The following PAX7 variants were observed in gnomAD, a reference collection of about 807,000 sequenced individuals.
PAX7 encodes paired box 7, also known as paired box protein Pax-7.
PAX7 carries 18 observed loss-of-function variants against 50.7 expected under a neutral mutation model. The ratio of observed to expected loss-of-function variants is 0.36; its 90% confidence interval spans 0.25 to 0.53. The LOEUF (loss-of-function observed/expected upper bound fraction) is 0.53, where lower values mean the gene tolerates loss of function less well. Ranked by LOEUF, PAX7 falls within the 20% of genes least tolerant of loss-of-function variation. The pLI is 0.93. For synonymous variants in PAX7, 310 were observed against 290.4 expected, an observed-to-expected ratio of 1.07 and a Z score of -0.69; for missense variants, 644 against 702.9, an observed-to-expected ratio of 0.92 and a Z score of 0.95.
At chr1:18,668,174 G>T (rs2088696387) in intron 4 of PAX7, among the ~76,000 whole-genome samples, 1 of 152,188 alleles carries the variant, frequency 6.6e-6, no homozygotes, top group Admixed American at 6.5e-5. Flanking sequence ...AAAGCTCCTT[G>T]AGTGATTCCA....
chr1:18,670,744 G>T (rs116440180), intron 4 of PAX7, among the ~76,000 whole-genome samples: 1 of 152,142 alleles, frequency 6.6e-6, no homozygotes, highest in Admixed American at 6.5e-5. Context: ...CCATGGAGAC[G>T]ACAGCCCGGG....
At chr1:18,655,937 G>A (rs1336107161) in intron 4 of PAX7, among the ~76,000 whole-genome samples, 1 of 152,034 alleles carries the variant, frequency 6.6e-6, no homozygotes, top group Non-Finnish European at 1.5e-5. Context: ...TTCATCAAAG[G>A]CGGAACAGCT....
chr1:18,692,905 C>T (rs559777487), intron 5 of PAX7, among the ~76,000 whole-genome samples: 1 of 152,272 alleles, frequency 6.6e-6, no homozygotes, highest in East Asian at 1.9e-4. Context: ...GGTTGAGGGG[C>T]AAAGGCCTGC....
chr1:18,692,053 GT>G, intron 5 of PAX7, 100 bp downstream of exon 5: 1 of 1,088,686 alleles, frequency 9.2e-7, no homozygotes, highest in East Asian at 2.6e-5. Context: ...CCCTCGGGGG[GT>G]TTACAACAGG....
intron 4 of PAX7, among the ~76,000 whole-genome samples, chr1:18,690,537 A>C (rs1405890252): frequency 2.0e-5 from 3 of 152,270 alleles, no homozygotes; most frequent in Admixed American, 2.0e-4. Flanking sequence ...CCCAACAGCT[A>C]AGGAGGCTGA....
intron 7 of PAX7, among the ~76,000 whole-genome samples, chr1:18,732,941 C>T (rs760881417): frequency 1.3e-5 from 2 of 152,150 alleles, no homozygotes; most frequent in South Asian, 2.1e-4. Flanking sequence ...TCCCAGCCCC[C>T]GTCAACTGTC....
intron 7 of PAX7, among the ~76,000 whole-genome samples, chr1:18,709,304 T>C (rs2089320676): frequency 6.6e-6 from 1 of 152,242 alleles, no homozygotes; most frequent in Non-Finnish European, 1.5e-5. Context: ...GGTGCTCTTT[T>C]GTAATGTCCC....
chr1:18,683,079 C>T (rs2088922157), intron 4 of PAX7, among the ~76,000 whole-genome samples: 1 of 152,162 alleles, frequency 6.6e-6, no homozygotes, highest in African/African-American at 2.4e-5. Flanking sequence ...GCAGGGCCAA[C>T]TGGTCAGGCG....
chr1:18,736,640 C>T (rs1451258900), intron 8 of PAX7, among the ~76,000 whole-genome samples: 1 of 152,150 alleles, frequency 6.6e-6, no homozygotes, highest in Admixed American at 6.5e-5. Flanking sequence ...GTGTGTTTTA[C>T]ACTTACAGCC....
chr1:18,713,407 G>A (rs1314186580), intron 7 of PAX7, among the ~76,000 whole-genome samples: 1 of 152,178 alleles, frequency 6.6e-6, no homozygotes, highest in Non-Finnish European at 1.5e-5. Flanking sequence ...ACCACCAACT[G>A]TTGGGCAACC....
At chr1:18,732,401 G>A (rs2089657147) in intron 7 of PAX7, among the ~76,000 whole-genome samples, 1 of 152,180 alleles carries the variant, frequency 6.6e-6, no homozygotes, top group Non-Finnish European at 1.5e-5. Flanking sequence ...AGAATATGTA[G>A]CAAGTACCAC....
chr1:18,731,734 A>G (rs1481800822), intron 7 of PAX7, among the ~76,000 whole-genome samples: 2 of 152,100 alleles, frequency 1.3e-5, no homozygotes, highest in African/African-American at 4.8e-5. Flanking sequence ...AAGCAGTGGC[A>G]GCACATCCTC....
chr1:18,667,391 AAAGG>A (rs3080496), intron 4 of PAX7, among the ~76,000 whole-genome samples: 27,129 of 113,140 alleles, frequency 0.24, 3,355 homozygotes, highest in Admixed American at 0.3. Flanking sequence ...AAGGAAGGAG[AAAGG>A]AAGGAAGGAA....
chr1:18,648,003 A>G (rs2088372962), intron 4 of PAX7, among the ~76,000 whole-genome samples: 1 of 152,212 alleles, frequency 6.6e-6, no homozygotes, highest in African/African-American at 2.4e-5. Context: ...GGAGCCCAGT[A>G]GACACTGTTC....
rs796962847 is a variant in PAX7, at chr1:18,747,819, T to TA, written c.*2896dup. The TA allele has an allele frequency of 4.7e-5, 9 of 189,632 alleles. No homozygotes were observed. Among genetic ancestry groups the TA allele is most frequent in the African/African-American group, 1.9e-4 (8 of 42,944 alleles). The allele number at this position is 189,632 out of a possible 1,614,324, so 11.7% of individuals were successfully genotyped here. A position where few individuals can be genotyped will look rare whatever the true frequency, so the allele number is the denominator to read the frequency against. On this transcript the variant is annotated 3_prime_UTR_variant, in exon 9 of 9. Coordinates refer to ENST00000420770, the MANE Select transcript of PAX7 (RefSeq NM_001135254.2). ...ACTTTTTATAAATATATATATATAC[T>TA]AAAAAAGGAAAGAAATCCCCCACAG...
intron 4 of PAX7, among the ~76,000 whole-genome samples, chr1:18,654,502 G>GCCTT (rs60092222): frequency 0.02 from 3,012 of 152,292 alleles, 107 homozygotes; most frequent in African/African-American, 0.068. Context: ...CATGTGCAAT[G>GCCTT]CCTTCCTCCT....
chr1:18,665,202 G>A (rs1557517454), intron 4 of PAX7, among the ~76,000 whole-genome samples: 1 of 151,934 alleles, frequency 6.6e-6, no homozygotes, highest in Admixed American at 6.6e-5. Flanking sequence ...CCTAGTGAGA[G>A]GGGTGGAGGA....
intron 4 of PAX7, among the ~76,000 whole-genome samples, chr1:18,651,629 C>T (rs933903122): frequency 2.6e-5 from 4 of 152,088 alleles, no homozygotes; most frequent in African/African-American, 2.4e-5. Flanking sequence ...ACTGTGAATC[C>T]GCAGAATTAA....
At chr1:18,681,194 T>G (rs1249399914) in intron 4 of PAX7, among the ~76,000 whole-genome samples, 1 of 146,242 alleles carries the variant, frequency 6.8e-6, no homozygotes. Flanking sequence ...AAAAAAAAGA[T>G]TTTGAGCTGA....
Sources: gnomAD v4.1 joint callset for allele counts (sites outside exome capture counted in the v4.1 genomes callset) on GRCh38, gnomAD v4.1.1 for gene constraint, MANE v1.5 for transcripts, NCBI Gene and HGNC (gene_info 2026-07-23, HGNC 2026-07-21) for gene names.